Variants in TPRG1 observed in about 807,000 individuals in gnomAD.
TPRG1 encodes the protein tumor protein p63 regulated 1.
A neutral mutation model predicts 29.3 loss-of-function variants in TPRG1; 29 were observed. The observed-to-expected ratio is 0.99, with a 90% CI of 0.74 to 1.35. The LOEUF is 1.35. Ranked by LOEUF, TPRG1 falls within the 40% of genes most tolerant of loss-of-function variation. The probability of loss-of-function intolerance (pLI) is 0.00; values close to 1 mark genes in which losing one functional copy is unlikely to be tolerated. For synonymous variants in TPRG1, 130 were observed against 116.8 expected, an observed-to-expected ratio of 1.11 and a Z score of -0.73; for missense variants, 327 against 335.0, an observed-to-expected ratio of 0.98 and a Z score of 0.19.
intron 4 of TPRG1, among the ~76,000 whole-genome samples, chr3:189,259,026 T>C (rs913761428): frequency 6.6e-6 from 1 of 152,170 alleles, no homozygotes; most frequent in Non-Finnish European, 1.5e-5. Flanking sequence ...TCTTGCTGTG[T>C]TCCAGGGACC....
At chr3:189,153,592 C>T (rs747179348) in intron 5 of TPRG1, among the ~76,000 whole-genome samples, 5 of 151,890 alleles carry the variant, frequency 3.3e-5, no homozygotes, top group Non-Finnish European at 5.9e-5. Flanking sequence ...TCCCATCAGC[C>T]CCAGGTAATT....
At chr3:189,139,393 C>T (rs1724217161) in intron 3 of TPRG1, among the ~76,000 whole-genome samples, 1 of 152,176 alleles carries the variant, frequency 6.6e-6, no homozygotes, top group Non-Finnish European at 1.5e-5. Flanking sequence ...TCTCCTCCAT[C>T]ACCCAGCCCT....
intron 1 of TPRG1, among the ~76,000 whole-genome samples, chr3:189,187,478 AT>A (rs71763137): frequency 0.65 from 94,943 of 147,002 alleles, 30,796 homozygotes; most frequent in African/African-American, 0.78. Flanking sequence ...GCTGATTTTT[AT>A]TTTTTTTTTT....
intron 3 of TPRG1, among the ~76,000 whole-genome samples, chr3:189,237,511 A>G (rs1179928582): frequency 2.0e-5 from 3 of 152,188 alleles, no homozygotes; most frequent in African/African-American, 4.8e-5. Context: ...AGAAAATACA[A>G]TGAGGCCAAG....
intron 4 of TPRG1, chr3:189,267,628 A>G (rs1181736789): frequency 6.6e-6 from 1 of 151,578 alleles, no homozygotes; most frequent in Non-Finnish European, 1.5e-5. Flanking sequence ...GAAAGTGTGA[A>G]AAGTTGTTTA....
At chr3:189,072,519 T>C (rs1405269613) in intron 4 of TPRG1, among the ~76,000 whole-genome samples, 2 of 152,172 alleles carry the variant, frequency 1.3e-5, no homozygotes, top group African/African-American at 4.8e-5. Flanking sequence ...CCACAGGTGA[T>C]ATTTTATTTT....
intron 1 of TPRG1, among the ~76,000 whole-genome samples, chr3:189,203,995 C>G (rs952679222): frequency 7.4e-6 from 1 of 134,750 alleles, no homozygotes. Flanking sequence ...GAGCCTAGAT[C>G]GTGCCACTGC....
At chr3:189,270,067 C>G (rs1217025487) in intron 4 of TPRG1, among the ~76,000 whole-genome samples, 1 of 147,852 alleles carries the variant, frequency 6.8e-6, no homozygotes. Flanking sequence ...TCTTTTTTGT[C>G]TGTAGAGTAA....
chr3:189,229,503 A>C (rs114866368), intron 3 of TPRG1, among the ~76,000 whole-genome samples: 1,611 of 152,320 alleles, frequency 0.011, 34 homozygotes, highest in African/African-American at 0.038. Context: ...ATCTGAACTG[A>C]GAGATACAGA....
At chr3:189,057,671 A>G (rs552136221) in intron 4 of TPRG1, among the ~76,000 whole-genome samples, 5 of 151,054 alleles carry the variant, frequency 3.3e-5, no homozygotes, top group Admixed American at 3.3e-4. Context: ...CCAGAAGTAA[A>G]TGACTCACTA....
chr3:189,070,757 A>G (rs2152153599), intron 4 of TPRG1, among the ~76,000 whole-genome samples: 1 of 152,262 alleles, frequency 6.6e-6, no homozygotes, highest in South Asian at 2.1e-4. Context: ...ATTATTGAAA[A>G]GGAGATATTC....
chr3:189,228,351 T>C (rs1297013216), intron 3 of TPRG1, among the ~76,000 whole-genome samples: 1 of 148,020 alleles, frequency 6.8e-6, no homozygotes, highest in African/African-American at 2.6e-5. Context: ...TCCTCATAAC[T>C]GTAGATGCAA....
chr3:189,085,814 T>G (rs991448226), intron 4 of TPRG1, among the ~76,000 whole-genome samples: 1 of 152,192 alleles, frequency 6.6e-6, no homozygotes, highest in African/African-American at 2.4e-5. Flanking sequence ...TTAAAATCCA[T>G]TTACACTTGA....
At chr3:189,188,601 T>C (rs1364660355) in intron 1 of TPRG1, among the ~76,000 whole-genome samples, 1 of 152,224 alleles carries the variant, frequency 6.6e-6, no homozygotes, top group Non-Finnish European at 1.5e-5. Flanking sequence ...GTCCAGTCCA[T>C]CTATAACTAA....
intron 4 of TPRG1, among the ~76,000 whole-genome samples, chr3:189,054,323 G>A (rs1241674344): frequency 7.9e-5 from 12 of 151,740 alleles, no homozygotes; most frequent in Middle Eastern, 3.4e-3. Flanking sequence ...ATGGTTTGTG[G>A]CACCCCAAAA....
intron 3 of TPRG1, among the ~76,000 whole-genome samples, chr3:189,134,607 G>T (rs1049942139): frequency 6.6e-6 from 1 of 150,498 alleles, no homozygotes; most frequent in Admixed American, 6.6e-5. Flanking sequence ...TGTAGAGTTG[G>T]GGTCTCACAA....
At chr3:189,160,866 T>G (rs149305763) in intron 5 of TPRG1, among the ~76,000 whole-genome samples, 5 of 152,336 alleles carry the variant, frequency 3.3e-5, no homozygotes, top group East Asian at 3.9e-4. Context: ...TTTTGTGTGT[T>G]TGTTTGTTTG....
chr3:189,082,038 C>A (rs1441783544), intron 4 of TPRG1, among the ~76,000 whole-genome samples: 2 of 152,004 alleles, frequency 1.3e-5, no homozygotes, highest in East Asian at 3.9e-4. Flanking sequence ...GCTTAGTGGA[C>A]AACATTGGAC....
intron 5 of TPRG1, among the ~76,000 whole-genome samples, chr3:189,159,364 G>T (rs1380724439): frequency 1.3e-5 from 2 of 152,090 alleles, no homozygotes; most frequent in South Asian, 2.1e-4. Flanking sequence ...GGCATTTCAG[G>T]TAGAGGGAAT....
Sources: allele counts gnomAD v4.1 joint callset (sites outside exome capture counted in the v4.1 genomes callset), GRCh38; gene constraint gnomAD v4.1.1; transcripts MANE v1.5; gene names NCBI Gene and HGNC (gene_info 2026-07-23, HGNC 2026-07-21).